The following COL4A1 variants were observed in gnomAD, a reference collection of about 807,000 sequenced individuals.
The protein encoded by COL4A1 is collagen type IV alpha 1 chain, also known as collagen alpha-1(IV) chain.
Under a neutral mutation model 216.6 loss-of-function variants are expected in COL4A1, and 40 were observed. That is an observed-to-expected ratio of 0.18 (90% CI 0.14 to 0.24). The LOEUF is 0.24. Ranked by LOEUF, COL4A1 falls within the 10% of genes least tolerant of loss-of-function variation. The pLI, the probability that COL4A1 is intolerant of heterozygous loss-of-function variation, is 1.00. For missense variants in COL4A1, 1,628 were observed against 2,196.8 expected (o/e 0.74, Z 5.18); for synonymous variants, 839 against 810.7 (o/e 1.03, Z -0.59).
chr13:110,293,115 A>G (rs1784585989), intron 1 of COL4A1, among the ~76,000 whole-genome samples: 2 of 152,262 alleles, frequency 1.3e-5, no homozygotes, highest in South Asian at 2.1e-4. Flanking sequence ...GTCACCGTGC[A>G]GGAACACTTA....
intron 2 of COL4A1, among the ~76,000 whole-genome samples, chr13:110,231,572 G>A (rs73613417): frequency 0.011 from 1,616 of 152,208 alleles, 31 homozygotes; most frequent in African/African-American, 0.037. Flanking sequence ...GTTCACTTGG[G>A]GGTTCAGTTG....
chr13:110,162,847 T>C (rs1010520481), intron 47 of COL4A1, among the ~76,000 whole-genome samples: 2 of 152,272 alleles, frequency 1.3e-5, no homozygotes, highest in African/African-American at 4.8e-5. Context: ...CATAGAATTA[T>C]TAAACAACCT....
intron 22 of COL4A1, among the ~76,000 whole-genome samples, chr13:110,193,856 C>T (rs1205760053): frequency 6.6e-6 from 1 of 152,188 alleles, no homozygotes; most frequent in Non-Finnish European, 1.5e-5. Flanking sequence ...CAGCTGAGAA[C>T]CCAGCTAAGT....
chr13:110,191,587 T>C (rs1161891901), intron 24 of COL4A1: 3 of 651,964 alleles, frequency 4.6e-6, no homozygotes, highest in Non-Finnish European at 5.5e-6. Flanking sequence ...TGGTATTTTG[T>C]TCCATTGAAA....
chr13:110,259,498 T>C (rs914954945), intron 1 of COL4A1, among the ~76,000 whole-genome samples: 2 of 152,216 alleles, frequency 1.3e-5, no homozygotes, highest in African/African-American at 4.8e-5. Context: ...GGAATCAACA[T>C]TGTCCATCTT....
intron 19 of COL4A1, 87 bp from the exon 20 acceptor site, chr13:110,200,976 G>C: frequency 6.9e-7 from 1 of 1,440,132 alleles, no homozygotes; most frequent in Non-Finnish European, 9.8e-7. Flanking sequence ...AGCCTTGCTT[G>C]GTGCATTGGT....
In COL4A1 at chr13:110,163,491, T is replaced by C. The variant is rs372976488; in HGVS notation, c.4221A>G (p.Lys1407=). The change falls in exon 47 of 52, where the codon AAA becomes AAG. Residue 1407 remains lysine, a synonymous_variant. Transcript: ENST00000375820. Reference sequence around the variant, plus strand: ...TAGGCCCGGCAGGTCCCATCTCTCCTTTCTGGCCAGGGGCACCGTCAAACC... The same window carrying C: ...TAGGCCCGGCAGGTCCCATCTCTCCCTTCTGGCCAGGGGCACCGTCAAACC... The part of the protein sequence containing the change: ...IPGFDGAPGQ[K]GEMGPAGPTG... 1.2e-6 allele frequency: 2 copies of C among 1,614,146 alleles called. No homozygotes were observed. The highest frequency in any genetic ancestry group is 8.5e-7 in the Non-Finnish European group (1 of 1,180,022).
chr13:110,205,971 G>C (rs1389253898), intron 15 of COL4A1, among the ~76,000 whole-genome samples: 5 of 152,008 alleles, frequency 3.3e-5, no homozygotes, highest in Admixed American at 1.3e-4. Context: ...GGTAAATGAG[G>C]GTTCTATGTA....
Position 110,306,980 on chromosome 13 carries a change from A to G in COL4A1, c.48T>C (p.Leu16=). ...CCCGGCTGTGCTCCTCGTGGAGCAG[A>G]AGGGCGGCGGGCAGCAGCAGCAGCC... ...SVWLLLLPAA[L]LLHEEHSRAA... is the part of the protein sequence containing the mutation. The change falls in exon 1 of 52, where the codon CTT becomes CTC. Residue 16 remains leucine, a synonymous_variant. Transcript: ENST00000375820. The G allele has an allele frequency of 6.8e-7, 1 of 1,477,452 alleles. No individual in the cohort carries two copies. Among genetic ancestry groups the G allele is most frequent in the Non-Finnish European group, 8.9e-7 (1 of 1,119,744 alleles). 91.5% of individuals were successfully genotyped at this position (1,477,452 alleles called of 1,614,324 possible). A position where few individuals can be genotyped will look rare whatever the true frequency, so the allele number is the denominator to read the frequency against.
At position 110,207,265 on chromosome 13, in the gene COL4A1, T is replaced by G; in HGVS notation, c.780+138A>C. ...TCAAAGGGGCTCGTATTTTATGGAC[T>G]GAACAGTCTATAAATCTGTTTTCCA... On this transcript the variant is annotated intron_variant, in intron 13 of 51. Coordinates refer to ENST00000375820, the MANE Select transcript of COL4A1 (RefSeq NM_001845.6). The surrounding 1 kb of genome is among the most constrained non-coding windows in gnomAD (Gnocchi z 4.4). 5.0e-6 allele frequency: 4 copies of G among 795,672 alleles called. No individual in the cohort carries two copies. The South Asian group carries it at 5.9e-5, about 12-fold the overall frequency. 49.3% of individuals were successfully genotyped at this position (795,672 alleles called of 1,614,324 possible).
chr13:110,207,901 CCCT>C lies in COL4A1; in HGVS notation c.694-415_694-413del, dbSNP rs71127919. ...AGAATAAGACAACCATCAAGAGTCTCCCTCCTCGGGCATCCTAACTGCCGGGTA... is the reference window on the plus strand; with the variant it reads ...AGAATAAGACAACCATCAAGAGTCTCCCTCGGGCATCCTAACTGCCGGGTA... On this transcript the variant is annotated intron_variant, in intron 12 of 51. Transcript: ENST00000375820. The surrounding 1 kb of genome is among the most constrained non-coding windows in gnomAD (Gnocchi z 4.4). Among the ~76,000 whole-genome samples, 40,375 of 152,026 alleles carry C rather than the reference CCCT, an allele frequency of 0.27. 5,529 individuals are homozygous for C. Among genetic ancestry groups the C allele is most frequent in the Admixed American group, 0.32 (4,900 of 15,276 alleles).
intron 1 of COL4A1, among the ~76,000 whole-genome samples, chr13:110,246,578 T>C (rs1262239650): frequency 1.3e-5 from 2 of 152,196 alleles, no homozygotes; most frequent in Non-Finnish European, 2.9e-5. Flanking sequence ...CCTGAGGAAA[T>C]ACACCTTGCA....
chr13:110,158,221 A>C (rs928190333), intron 49 of COL4A1, among the ~76,000 whole-genome samples: 2 of 149,880 alleles, frequency 1.3e-5, no homozygotes, highest in African/African-American at 5.0e-5. Flanking sequence ...CTATAAAATA[A>C]GTTTTCTTAT....
intron 45 of COL4A1, among the ~76,000 whole-genome samples, chr13:110,165,734 T>G (rs1434200103): frequency 1.3e-5 from 2 of 152,166 alleles, no homozygotes; most frequent in Non-Finnish European, 2.9e-5. Context: ...GGAAGCAGGA[T>G]GAATACTGTG....
chr13:110,209,325 G>A, intron 11 of COL4A1, 67 bp downstream of exon 11: 1 of 1,395,070 alleles, frequency 7.2e-7, no homozygotes, highest in Non-Finnish European at 1.0e-6. Context: ...TAAGAAGAGT[G>A]AGCTATAGCA....
In COL4A1 at chr13:110,252,630, T is replaced by TG. The variant is rs1351443980; in HGVS notation, c.85-9897_85-9896insC. Among the ~76,000 whole-genome samples the TG allele has an allele frequency of 8.2e-3, 46 of 5,586 alleles. 13 individuals carry two copies. The highest frequency in any genetic ancestry group is 0.25 in the East Asian group (2 of 8). 3.7% of individuals were successfully genotyped at this position (5,586 alleles called of 152,430 possible). On this transcript the variant is annotated intron_variant, in intron 1 of 51. Coordinates refer to ENST00000375820, the MANE Select transcript of COL4A1 (RefSeq NM_001845.6). ...TATTATATATGTATAATTGTATATA[T>TG]TATATATACTTATATACAAAATGTA...
At chr13:110,162,196 A>C in intron 48 of COL4A1, 34 bp downstream of exon 48, 1 of 1,586,676 alleles carries the variant, frequency 6.3e-7, no homozygotes, top group South Asian at 1.1e-5. Flanking sequence ...ACACACCTAC[A>C]CTGAATGAAT....
chr13:110,156,856 A>G (rs1472701067), intron 49 of COL4A1, among the ~76,000 whole-genome samples: 2 of 152,100 alleles, frequency 1.3e-5, no homozygotes, highest in African/African-American at 4.8e-5. Flanking sequence ...TTGATTTTCC[A>G]TGGACTTGTG....
chr13:110,239,126 C>T (rs951651966), intron 2 of COL4A1, among the ~76,000 whole-genome samples: 1 of 152,012 alleles, frequency 6.6e-6, no homozygotes, highest in Admixed American at 6.6e-5. Flanking sequence ...TAGAAACCTG[C>T]TGAATTTAAC....
Sources: allele counts gnomAD v4.1 joint callset (sites outside exome capture counted in the v4.1 genomes callset), GRCh38; gene constraint gnomAD v4.1.1; non-coding constraint Gnocchi (gnomAD v3.1); transcripts MANE v1.5; gene names NCBI Gene and HGNC (gene_info 2026-07-23, HGNC 2026-07-21).